MYO18A: variants seen among roughly 807,000 people sequenced by gnomAD.
MYO18A encodes the protein unconventional myosin-XVIIIa.
A neutral mutation model predicts 235.8 loss-of-function variants in MYO18A; 78 were observed. The observed-to-expected ratio is 0.33, with a 90% CI of 0.28 to 0.40. The LOEUF is 0.40. Ranked by LOEUF, MYO18A falls within the 10% of genes least tolerant of loss-of-function variation. The probability of loss-of-function intolerance (pLI) is 1.00; values close to 1 mark genes in which losing one functional copy is unlikely to be tolerated. For synonymous variants in MYO18A, 977 were observed against 1,077.8 expected (o/e 0.91, Z 1.83); for missense variants, 2,215 against 2,699.3 (o/e 0.82, Z 3.98).
rs371772431 is a variant in MYO18A at position 29,074,086 on chromosome 17, C to T, written c.*684G>A. 1.8e-5 allele frequency: 29 copies of T among 1,613,914 alleles called. No individual in the cohort carries two copies. The highest frequency in any genetic ancestry group is 9.3e-5 in the African/African-American group (7 of 74,892). On this transcript the variant is annotated 3_prime_UTR_variant, in exon 42 of 42. Transcript: ENST00000527372. This position sits in a 1 kb window ranked among gnomAD's most constrained non-coding sequence, Gnocchi z 4.4. ...CTTGCTCAACCCAGCCCAGCAGCAC[C>T]GGAGAGCCCCTCCGCACCTCATTCT...
intron 37 of MYO18A, 87 bp downstream of exon 37, chr17:29,089,874 C>A: frequency 6.5e-7 from 1 of 1,547,970 alleles, no homozygotes; most frequent in Non-Finnish European, 8.8e-7. Context: ...TGTCCGGGGG[C>A]CTGTCCAGCC....
intron 1 of MYO18A, among the ~76,000 whole-genome samples, chr17:29,168,397 C>T (rs1467911316): frequency 6.6e-6 from 1 of 151,896 alleles, no homozygotes; most frequent in Non-Finnish European, 1.5e-5. Context: ...TTGAGAGAGT[C>T]TTTCTTGTTC....
intron 41 of MYO18A, 124 bp from the exon 42 acceptor site, chr17:29,075,038 G>A: frequency 8.7e-7 from 1 of 1,155,002 alleles, no homozygotes; most frequent in Non-Finnish European, 1.2e-6. Context: ...ACATTGTTAA[G>A]TAAAAACCTT....
At chr17:29,130,021 G>A (rs1270664179) in intron 2 of MYO18A, among the ~76,000 whole-genome samples, 2 of 152,184 alleles carry the variant, frequency 1.3e-5, no homozygotes, top group Admixed American at 6.5e-5. Flanking sequence ...GATGGGCCAG[G>A]TGTGGTGGCT....
intron 41 of MYO18A, chr17:29,080,118 G>C: frequency 1.0e-6 from 1 of 985,952 alleles, no homozygotes; most frequent in African/African-American, 1.7e-5. Flanking sequence ...CAGCAGAGGC[G>C]GAGCGGCGGA....
chr17:29,089,671 G>T (rs142784023), intron 37 of MYO18A, among the ~76,000 whole-genome samples: 5 of 152,142 alleles, frequency 3.3e-5, no homozygotes, highest in Admixed American at 2.6e-4. Context: ...GGGAACAGGC[G>T]GGGGGAGCTC....
In MYO18A at chr17:29,119,415, C is replaced by T. The variant is rs1377844165; in HGVS notation, c.1749G>A (p.Leu583=). The T allele has an allele frequency of 3.7e-6, 6 of 1,610,788 alleles. No individual in the cohort carries two copies. In the Admixed American group the frequency reaches 8.4e-5, roughly 22 times the overall value. The change falls in exon 8 of 42, where the codon CTG becomes CTA. Residue 583 remains leucine (L), a synonymous_variant. Coordinates refer to ENST00000527372, the MANE Select transcript of MYO18A (RefSeq NM_078471.4). ...ASIQTMLLEK[L]RVARRPASEA... Reference sequence around the variant, plus strand: ...CACTGGCTGGGCGCCGAGCCACACGCAGCTTCTCCAGAAGCATTGTCTGTG... The same window carrying T: ...CACTGGCTGGGCGCCGAGCCACACGTAGCTTCTCCAGAAGCATTGTCTGTG...
At chr17:29,152,791 G>A (rs573799245) in intron 2 of MYO18A, among the ~76,000 whole-genome samples, 1 of 152,136 alleles carries the variant, frequency 6.6e-6, no homozygotes, top group African/African-American at 2.4e-5. Flanking sequence ...GTGTGATCAT[G>A]GCTCACTGCA....
intron 37 of MYO18A, 92 bp downstream of exon 37, chr17:29,089,869 G>A (rs543143782): frequency 2.4e-5 from 36 of 1,524,564 alleles, no homozygotes; most frequent in South Asian, 1.6e-4. Flanking sequence ...AGGACTGTCC[G>A]GGGGCCTGTC....
chr17:29,146,472 G>T (rs1182643234), intron 2 of MYO18A, among the ~76,000 whole-genome samples: 1 of 152,130 alleles, frequency 6.6e-6, no homozygotes, highest in Non-Finnish European at 1.5e-5. Flanking sequence ...TCCATCCTCT[G>T]ATTATAGCAC....
At chr17:29,177,878 C>T (rs1048118001) in intron 1 of MYO18A, among the ~76,000 whole-genome samples, 12 of 152,160 alleles carry the variant, frequency 7.9e-5, no homozygotes, top group South Asian at 2.1e-4. Context: ...TGAGGAGAGA[C>T]CTCTGGTTTG....
chr17:29,134,079 A>G lies in MYO18A; in HGVS notation c.1000-11826T>C, dbSNP rs575708452. 1.2e-5 allele frequency: 3 copies of G among 247,850 alleles called. No homozygotes were observed. In the East Asian group the frequency reaches 3.6e-4, roughly 30 times the overall value. The allele number at this position is 247,850 out of a possible 1,614,324, so 15.4% of individuals were successfully genotyped here. A position where few individuals can be genotyped will look rare whatever the true frequency, so the allele number is the denominator to read the frequency against. ...AGAACATAGCACTCCCTACCCTTGGAAGCTGTGTGCATTGTTTTTATTTTT... is the reference window on the plus strand; with the variant it reads ...AGAACATAGCACTCCCTACCCTTGGGAGCTGTGTGCATTGTTTTTATTTTT... On this transcript the variant is annotated intron_variant, in intron 2 of 41. Coordinates refer to ENST00000527372, the MANE Select transcript of MYO18A (RefSeq NM_078471.4).
intron 30 of MYO18A, 59 bp downstream of exon 30, chr17:29,094,591 G>T: frequency 6.4e-7 from 1 of 1,561,908 alleles, no homozygotes; most frequent in Non-Finnish European, 8.8e-7. Flanking sequence ...GAGGCTGGCT[G>T]TGGGGATGGT....
chr17:29,164,873 C>CT lies in MYO18A; in HGVS notation c.999+1068dup, dbSNP rs2068246797. ...CTCTTTTTGCGCGGGCAGCTGGGGT[C>CT]TCAGTGACAGTCAGGACATACTATC... On this transcript the variant is annotated intron_variant, in intron 2 of 41. Transcript: ENST00000527372. Among the ~76,000 whole-genome samples the CT allele has an allele frequency of 2.0e-5, 3 of 152,222 alleles. No homozygotes were observed. The East Asian group carries it at 5.8e-4, about 29-fold the overall frequency.
At position 29,140,136 on chromosome 17, in the gene MYO18A, G is replaced by T. The variant is rs1034235684; in HGVS notation, c.1000-17883C>A. On this transcript the variant is annotated intron_variant, in intron 2 of 41. Coordinates refer to ENST00000527372, the MANE Select transcript of MYO18A (RefSeq NM_078471.4). This position sits in a 1 kb window ranked among gnomAD's most constrained non-coding sequence, Gnocchi z 4.2. ...CCCAGGATGCCCTGCTCCTAGCCAC[G>T]GAGGGGTTTTGAGGCTTCCGGGGCT... 6.6e-6 allele frequency among the ~76,000 whole-genome samples: 1 copy of T among 152,078 alleles called. No homozygotes were observed. The highest frequency in any genetic ancestry group is 2.4e-5 in the African/African-American group (1 of 41,382).
Position 29,097,877 on chromosome 17 carries a change from T to C in MYO18A, c.4013A>G (p.Lys1338Arg), listed in dbSNP as rs1340330377. 1 of 1,613,792 alleles carries C rather than the reference T, an allele frequency of 6.2e-7. No homozygotes were observed. Among genetic ancestry groups the C allele is most frequent in the Non-Finnish European group, 8.5e-7 (1 of 1,179,750 alleles). The change falls in exon 26 of 42, where the codon AAG becomes AGG. Residue 1338 changes from lysine (K) to arginine (R), a missense_variant. Physicochemically the swap from Lys to Arg is conservative, Grantham distance 26. Coordinates refer to ENST00000527372, the MANE Select transcript of MYO18A (RefSeq NM_078471.4). ...ELQTQYDALKKQMEVMEMEVM... is the reference protein window; with the variant it reads ...ELQTQYDALKRQMEVMEMEVM... ...CTCCATTTCCATAACCTCCATCTGC[T>C]TCTTCAGTGCATCGTACTGGGTCTG...
At chr17:29,177,167 G>A (rs747545020) in intron 1 of MYO18A, among the ~76,000 whole-genome samples, 13 of 152,206 alleles carry the variant, frequency 8.5e-5, no homozygotes, top group Non-Finnish European at 1.9e-4. Context: ...CTCTGCTGGA[G>A]AGCTATTCTG....
intron 23 of MYO18A, 45 bp from the exon 24 acceptor site, chr17:29,098,490 G>A (rs779856420): frequency 1.9e-6 from 3 of 1,606,080 alleles, no homozygotes; most frequent in East Asian, 4.5e-5. Context: ...GGCACTGCGA[G>A]GGATTGGGGC....
rs1488355022 is a variant in MYO18A at position 29,140,356 on chromosome 17, G to A, written c.1000-18103C>T. 2.3e-6 allele frequency: 3 copies of A among 1,281,576 alleles called. No individual in the cohort carries two copies. The highest frequency in any genetic ancestry group is 2.4e-5 in the Admixed American group (1 of 41,798). The allele number at this position is 1,281,576 out of a possible 1,614,324, so 79.4% of individuals were successfully genotyped here. ...GACACTCACCCGCATGGCCTGGCCTGGAGCAGCCCAGAGCAAGGAGACTCC... is the reference window on the plus strand; with the variant it reads ...GACACTCACCCGCATGGCCTGGCCTAGAGCAGCCCAGAGCAAGGAGACTCC... On this transcript the variant is annotated intron_variant, in intron 2 of 41. Transcript: ENST00000527372. This position sits in a 1 kb window ranked among gnomAD's most constrained non-coding sequence, Gnocchi z 4.2.
Sources: gnomAD v4.1 joint callset for allele counts (sites outside exome capture counted in the v4.1 genomes callset) on GRCh38, gnomAD v4.1.1 for gene constraint, Gnocchi (gnomAD v3.1) non-coding constraint, MANE v1.5 for transcripts, NCBI Gene and HGNC (gene_info 2026-07-23, HGNC 2026-07-21) for gene names.